Variants in STXBP5L observed in about 807,000 individuals in gnomAD.
The protein encoded by STXBP5L is syntaxin binding protein 5L.
A neutral mutation model predicts 144.5 loss-of-function variants in STXBP5L; 65 were observed. The ratio of observed to expected loss-of-function variants is 0.45; its 90% CI spans 0.37 to 0.55. The LOEUF is 0.55. STXBP5L is among the 20% of genes least tolerant of loss of function. The pLI, the probability that STXBP5L is intolerant of heterozygous loss-of-function variation, is 0.00. For missense variants in STXBP5L, 1,298 were observed against 1,405.5 expected (o/e 0.92, Z 1.22); for synonymous variants, 505 against 469.6 (o/e 1.08, Z -0.97).
At chr3:121,034,450 A>T (rs1352842306) in intron 3 of STXBP5L, among the ~76,000 whole-genome samples, 1 of 152,122 alleles carries the variant, frequency 6.6e-6, no homozygotes, top group African/African-American at 2.4e-5. Context: ...TGTTGCTGCA[A>T]AAGATATGAT....
intron 2 of STXBP5L, among the ~76,000 whole-genome samples, chr3:120,938,822 C>T (rs1160622804): frequency 2.0e-5 from 3 of 152,110 alleles, no homozygotes; most frequent in Middle Eastern, 3.2e-3. Flanking sequence ...GCTCTGTTGC[C>T]CAGGCTGGAG....
chr3:121,352,914 G>A (rs1184536664), intron 20 of STXBP5L, among the ~76,000 whole-genome samples: 1 of 152,048 alleles, frequency 6.6e-6, no homozygotes, highest in Non-Finnish European at 1.5e-5. Context: ...TTTGTCAAAG[G>A]CCTTTTCTGC....
intron 3 of STXBP5L, among the ~76,000 whole-genome samples, chr3:120,962,205 T>A (rs182626841): frequency 2.2e-4 from 34 of 152,114 alleles, no homozygotes; most frequent in East Asian, 1.2e-3. Flanking sequence ...GATTGCAAAA[T>A]TTTTCTTCCA....
intron 9 of STXBP5L, among the ~76,000 whole-genome samples, chr3:121,168,221 G>C (rs1577100897): frequency 6.6e-6 from 1 of 152,100 alleles, no homozygotes; most frequent in East Asian, 1.9e-4. Flanking sequence ...CCATGAAGAT[G>C]GGGAGAAACC....
chr3:121,356,596 C>T (rs2045523521), intron 20 of STXBP5L, among the ~76,000 whole-genome samples: 1 of 152,204 alleles, frequency 6.6e-6, no homozygotes, highest in South Asian at 2.1e-4. Context: ...TACAGTCTGT[C>T]ACAGCTTCCC....
intron 18 of STXBP5L, among the ~76,000 whole-genome samples, chr3:121,265,493 G>A (rs2050532367): frequency 6.6e-6 from 1 of 152,164 alleles, no homozygotes; most frequent in South Asian, 2.1e-4. Context: ...GACATTTACA[G>A]CACTAAATGC....
At chr3:120,993,933 G>A (rs926387169) in intron 3 of STXBP5L, among the ~76,000 whole-genome samples, 7 of 152,098 alleles carry the variant, frequency 4.6e-5, no homozygotes, top group South Asian at 2.1e-4. Flanking sequence ...TCATGAGCAT[G>A]GGATATGTTT....
intron 5 of STXBP5L, among the ~76,000 whole-genome samples, chr3:121,060,522 G>T (rs552055216): frequency 3.8e-4 from 58 of 152,212 alleles, no homozygotes; most frequent in African/African-American, 1.3e-3. Context: ...TTTTTCTATT[G>T]TTTGGAATAG....
chr3:121,174,569 C>T (rs1352057753), intron 9 of STXBP5L, among the ~76,000 whole-genome samples: 3 of 152,098 alleles, frequency 2.0e-5, no homozygotes, highest in African/African-American at 7.2e-5. Context: ...CCTGAATCTT[C>T]GCTTGCTTAG....
At chr3:121,348,132 A>G (rs1192333235) in intron 20 of STXBP5L, among the ~76,000 whole-genome samples, 1 of 152,168 alleles carries the variant, frequency 6.6e-6, no homozygotes, top group South Asian at 2.1e-4. Flanking sequence ...GATATGTCCC[A>G]TCAGTACCTA....
intron 9 of STXBP5L, among the ~76,000 whole-genome samples, chr3:121,190,607 T>G (rs1484137457): frequency 1.3e-5 from 2 of 151,996 alleles, no homozygotes; most frequent in Admixed American, 1.3e-4. Flanking sequence ...GCACAGGGGC[T>G]CCTCACTTCC....
chr3:121,239,118 G>C lies in STXBP5L; in HGVS notation c.1332G>C (p.Lys444Asn), dbSNP rs2049580590. ...VKHKKQGYSN[K>N]EWPISGGAWN... ...ATAAAAAACAAGGATACAGTAATAA[G>C]GTAAAAGTAGAAATTATAAATAACT... Residue 444 changes from lysine to asparagine, a missense_variant and splice_region_variant, in exon 13 of 27, where the codon AAG (lysine) becomes AAC (asparagine). Physicochemically the swap from Lys to Asn is moderately conservative, Grantham distance 94. Transcript: ENST00000471454. 1 of 1,497,078 alleles carries C rather than the reference G, an allele frequency of 6.7e-7. No homozygotes were observed. Among genetic ancestry groups the C allele is most frequent in the Non-Finnish European group, 9.0e-7 (1 of 1,111,696 alleles). 92.7% of individuals were successfully genotyped at this position (1,497,078 alleles called of 1,614,324 possible).
intron 9 of STXBP5L, among the ~76,000 whole-genome samples, chr3:121,197,957 T>A (rs1184744211): frequency 6.6e-6 from 1 of 152,176 alleles, no homozygotes; most frequent in East Asian, 1.9e-4. Context: ...AATAAACATA[T>A]GCATGCATGT....
At chr3:120,991,315 A>G (rs112624446) in intron 3 of STXBP5L, among the ~76,000 whole-genome samples, 17,193 of 150,688 alleles carry the variant, frequency 0.11, 640 homozygotes, top group Non-Finnish European at 0.13. Context: ...GGCGATCATT[A>G]AAAAGTCAGG....
chr3:120,981,339 G>A (rs957561634), intron 3 of STXBP5L, among the ~76,000 whole-genome samples: 1 of 152,108 alleles, frequency 6.6e-6, no homozygotes, highest in South Asian at 2.1e-4. Flanking sequence ...ATAACTCATA[G>A]CTTAGTAAGT....
At chr3:120,998,780 T>C (rs1943550030) in intron 3 of STXBP5L, among the ~76,000 whole-genome samples, 1 of 152,034 alleles carries the variant, frequency 6.6e-6, no homozygotes, top group African/African-American at 2.4e-5. Context: ...AGCCACAAAA[T>C]GAACAAAAAT....
rs147244169 is a variant in STXBP5L at position 121,188,318 on chromosome 3, G to T, written c.878-17605G>T. Reference sequence around the variant, plus strand: ...ACTCCTCAGCAAATGTAAAAGAATAGAAATCACAACAAACTGTCTCTCAGA... The same window carrying T: ...ACTCCTCAGCAAATGTAAAAGAATATAAATCACAACAAACTGTCTCTCAGA... On this transcript the variant is annotated intron_variant, in intron 9 of 26. Coordinates refer to ENST00000471454, the MANE Select transcript of STXBP5L (RefSeq NM_001308330.2). Among the ~76,000 whole-genome samples the T allele has an allele frequency of 2.5e-3, 377 of 152,194 alleles. 2 individuals are homozygous for T. The highest frequency in any genetic ancestry group is 8.5e-3 in the African/African-American group (354 of 41,526).
At chr3:121,231,624 C>T (rs545384819) in intron 11 of STXBP5L, among the ~76,000 whole-genome samples, 30 of 152,248 alleles carry the variant, frequency 2.0e-4, no homozygotes, top group Middle Eastern at 6.8e-3. Context: ...ATGGCTAGAG[C>T]AAGGCCCTGC....
At chr3:121,038,572 T>C (rs559283043) in intron 3 of STXBP5L, among the ~76,000 whole-genome samples, 1 of 152,036 alleles carries the variant, frequency 6.6e-6, no homozygotes, top group Non-Finnish European at 1.5e-5. Flanking sequence ...TTTATTCTGC[T>C]CTTTTTGGGT....
Sources: allele counts gnomAD v4.1 joint callset (sites outside exome capture counted in the v4.1 genomes callset), GRCh38; gene constraint gnomAD v4.1.1; transcripts MANE v1.5; gene names NCBI Gene and HGNC (gene_info 2026-07-23, HGNC 2026-07-21).